Variants in TRIM7 observed in about 807,000 individuals in gnomAD.
TRIM7 encodes the protein tripartite motif containing 7, also known as E3 ubiquitin-protein ligase TRIM7.
In TRIM7, 32 loss-of-function variants were observed where a neutral mutation model predicts 37.9. The observed-to-expected ratio is 0.84, with a 90% CI of 0.64 to 1.13. TRIM7 has a LOEUF of 1.13. Among genes scored for constraint, TRIM7 ranks in the 50% most tolerant of loss-of-function variants. TRIM7 has a pLI of 0.00. For missense variants in TRIM7, 732 were observed against 714.0 expected, an observed-to-expected ratio of 1.03 and a Z score of -0.29; for synonymous variants, 351 against 321.3, an observed-to-expected ratio of 1.09 and a Z score of -0.99.
At chr5:181,195,764 A>T in intron 6 of TRIM7, 87 bp from the exon 7 acceptor site, 1 of 1,470,190 alleles carries the variant, frequency 6.8e-7, no homozygotes, top group Non-Finnish European at 9.0e-7. Context: ...TTGCTTTGCA[A>T]CCTGCCTGCC....
Position 181,199,129 on chromosome 5 carries a change from G to T in TRIM7, c.850-12C>A. The T allele has an allele frequency of 6.2e-7, 1 of 1,614,214 alleles. No homozygotes were observed. The highest frequency in any genetic ancestry group is 1.3e-5 in the African/African-American group (1 of 75,064). On this transcript the variant is annotated splice_polypyrimidine_tract_variant and intron_variant, in intron 3 of 6. Coordinates refer to ENST00000274773, the MANE Select transcript of TRIM7 (RefSeq NM_203293.3). ...GTGCTTTTGAATTCCTGGAAGGAAAGATAGAGGAAACCAAATCAGCATCAG... is the reference window on the plus strand; with the variant it reads ...GTGCTTTTGAATTCCTGGAAGGAAATATAGAGGAAACCAAATCAGCATCAG...
At position 181,199,854 on chromosome 5, in the gene TRIM7, G is replaced by C. The variant is rs1329262023; in HGVS notation, c.846C>G (p.Leu282=). The C allele has an allele frequency of 6.2e-7, 1 of 1,613,030 alleles. No individual in the cohort carries two copies. The highest frequency in any genetic ancestry group is 8.5e-7 in the Non-Finnish European group (1 of 1,179,476). Reference sequence around the variant, plus strand: ...CCCCTGGCTGAGCCAGACTTACCTGGAGAAAGTCAAGGTCAGGCTTTTGAG... The same window carrying C: ...CCCCTGGCTGAGCCAGACTTACCTGCAGAAAGTCAAGGTCAGGCTTTTGAG... ...ETAQKPDLDF[L]QEFKSTLSRC... is the part of the protein sequence containing the mutation. The change falls in exon 3 of 7, where the codon CTC becomes CTG. Residue 282 remains leucine (L), a synonymous_variant. Transcript: ENST00000274773.
chr5:181,204,011 C>T, intron 1 of TRIM7: 1 of 1,028,716 alleles, frequency 9.7e-7, no homozygotes, highest in Non-Finnish European at 1.2e-6. Context: ...CGCCCTCACC[C>T]CTGCACACAC....
In TRIM7 at chr5:181,198,716, A is replaced by G. The variant is rs1757292179; in HGVS notation, c.962T>C (p.Leu321Ser). ...VWNVSLKTFV[L>S]KGMLKKFKED... ...TTTGAACTTCTTCAGCATCCCTTTT[A>G]AGACAAAGGTCTTGAGAGAAACATT... The change falls in exon 5 of 7, where the codon TTA becomes TCA. Residue 321 changes from leucine to serine, a missense_variant. Coordinates refer to ENST00000274773, the MANE Select transcript of TRIM7 (RefSeq NM_203293.3). The G allele has an allele frequency of 6.2e-7, 1 of 1,613,924 alleles. No individual in the cohort carries two copies. Among genetic ancestry groups the G allele is most frequent in the South Asian group, 1.1e-5 (1 of 91,052 alleles).
rs1254853753 is a variant in TRIM7, at chr5:181,194,991, C to T, written c.*175G>A. 2.0e-5 allele frequency: 15 copies of T among 731,820 alleles called. No individual in the cohort carries two copies. Among genetic ancestry groups the T allele is most frequent in the Non-Finnish European group, 3.3e-5 (15 of 458,660 alleles). 45.3% of individuals were successfully genotyped at this position (731,820 alleles called of 1,614,324 possible). ...TCAGGAGTCCAAAGCCCCTGTTCCCCTGCTCGGTTGGCCACAGTCACTCTC... is the reference window on the plus strand; with the variant it reads ...TCAGGAGTCCAAAGCCCCTGTTCCCTTGCTCGGTTGGCCACAGTCACTCTC... On this transcript the variant is annotated 3_prime_UTR_variant, in exon 7 of 7. Coordinates refer to ENST00000274773, the MANE Select transcript of TRIM7 (RefSeq NM_203293.3).
chr5:181,204,252 GC>G, intron 1 of TRIM7: 1 of 1,070,396 alleles, frequency 9.3e-7, no homozygotes, highest in Non-Finnish European at 1.1e-6. Context: ...GAGACTTCCC[GC>G]GGGCAGAGAG....
rs772430239 is a variant in TRIM7, at chr5:181,204,893, G to C, written c.218C>G (p.Pro73Arg). 62 of 1,368,994 alleles carry C rather than the reference G, an allele frequency of 4.5e-5. No individual in the cohort carries two copies. Among genetic ancestry groups the C allele is most frequent in the Non-Finnish European group, 5.6e-5 (60 of 1,070,726 alleles). 84.8% of individuals were successfully genotyped at this position (1,368,994 alleles called of 1,614,324 possible). Residue 73 changes from proline (P) to arginine (R), a missense_variant, in exon 1 of 7, where the codon CCC becomes CGC. Pro to Arg is a moderately radical substitution (Grantham distance 103). Coordinates refer to ENST00000274773, the MANE Select transcript of TRIM7 (RefSeq NM_203293.3). ...GSVGAATRAP[P>R]FPLPCPQCRE... ...GCACTGCGGACAGGGCAGTGGGAAG[G>C]GGGGCGCGCGGGTGGCGGCCCCAAC...
At chr5:181,204,480 C>T (rs1757698347) in intron 1 of TRIM7, 109 bp downstream of exon 1, 2 of 1,210,792 alleles carry the variant, frequency 1.7e-6, no homozygotes, top group Admixed American at 4.2e-5. Context: ...GGGAGGGGCT[C>T]ACCCGGGCCT....
At position 181,204,626 on chromosome 5, in the gene TRIM7, G is replaced by T; in HGVS notation, c.485C>A (p.Ala162Asp). 6.8e-7 allele frequency: 1 copy of T among 1,473,164 alleles called. No individual in the cohort carries two copies. Among genetic ancestry groups the T allele is most frequent in the Admixed American group, 2.4e-5 (1 of 41,100 alleles). 91.3% of individuals were successfully genotyped at this position (1,473,164 alleles called of 1,614,324 possible). ...CDRAREHREH[A>D]VLPLDEAVQE... ...CACCGCCTCGTCCAGCGGCAGCACG[G>T]CGTGCTCGCGGTGCTCGCGGGCGCG... Residue 162 changes from alanine to aspartate, a missense_variant, in exon 1 of 7, where the codon GCC becomes GAC. Coordinates refer to ENST00000274773, the MANE Select transcript of TRIM7 (RefSeq NM_203293.3).
At position 181,204,786 on chromosome 5, in the gene TRIM7, G is replaced by A; in HGVS notation, c.325C>T (p.Pro109Ser). ...CCGTGCTCTCCCGGGGCAGCCGCGGGCAGGCTGAAGCGCCGCAGGAGCGTG... is the reference window on the plus strand; with the variant it reads ...CCGTGCTCTCCCGGGGCAGCCGCGGACAGGCTGAAGCGCCGCAGGAGCGTG... Reference protein sequence around the residue: ...VATLLRRFSLPAAAPGEHGSQ... With the variant: ...VATLLRRFSLSAAAPGEHGSQ... Residue 109 changes from proline to serine, a missense_variant, in exon 1 of 7, where the codon CCC (proline) becomes TCC (serine). Coordinates refer to ENST00000274773, the MANE Select transcript of TRIM7 (RefSeq NM_203293.3). 7.0e-7 allele frequency: 1 copy of A among 1,426,188 alleles called. No homozygotes were observed. The highest frequency in any genetic ancestry group is 9.1e-7 in the Non-Finnish European group (1 of 1,099,134). 88.3% of individuals were successfully genotyped at this position (1,426,188 alleles called of 1,614,324 possible).
At chr5:181,200,699 C>G in intron 2 of TRIM7, 5 of 991,052 alleles carry the variant, frequency 5.0e-6, no homozygotes, top group Non-Finnish European at 6.0e-6. Context: ...TCTGTTCTTT[C>G]CATTAACAGC....
At position 181,199,830 on chromosome 5, in the gene TRIM7, CCCTGGCTGAG is replaced by C; in HGVS notation, c.849+11_849+20del. 2.5e-6 allele frequency: 4 copies of C among 1,605,270 alleles called. No homozygotes were observed. The South Asian group carries it at 4.5e-5, about 18-fold the overall frequency. On this transcript the variant is annotated intron_variant, in intron 3 of 6. Coordinates refer to ENST00000274773, the MANE Select transcript of TRIM7 (RefSeq NM_203293.3). ...ATGCCTTAGGATAAATGACTCGAGC[CCCTGGCTGAG>C]CCAGACTTACCTGGAGAAAGTCAAG...
Position 181,203,544 on chromosome 5 carries a change from C to A in TRIM7, c.618+1G>T. On this transcript the variant is annotated splice_donor_variant, in intron 2 of 6. Coordinates refer to ENST00000274773, the MANE Select transcript of TRIM7 (RefSeq NM_203293.3). LOFTEE classifies it high-confidence loss of function. ...GGGGGGCCTGCGGGTGCCTGGCTCA[C>A]CAGCAGCTCCTTGCTCTCCTTCTTT... The A allele has an allele frequency of 1.2e-6, 2 of 1,614,212 alleles. No homozygotes were observed. The highest frequency in any genetic ancestry group is 8.5e-7 in the Non-Finnish European group (1 of 1,180,034).
At chr5:181,203,984 C>T (rs1757667621) in intron 1 of TRIM7, 1 of 1,069,712 alleles carries the variant, frequency 9.3e-7, no homozygotes, top group Non-Finnish European at 1.1e-6. Context: ...GGGACTGCCG[C>T]CCGAGCCTCC....
chr5:181,200,053 A>G lies in TRIM7; in HGVS notation c.647T>C (p.Val216Ala). ...LKQMAAEQEK[V>A]GAEFQALRAF... ...CCTCAGTGCCTGGAACTCTGCCCCC[A>G]CCTTCTCCTGCTCCGCTGCCATCTG... Residue 216 changes from valine (V) to alanine (A), a missense_variant, in exon 3 of 7, where the codon GTG becomes GCG. Val to Ala is a moderately conservative substitution (Grantham distance 64, BLOSUM62 0). Coordinates refer to ENST00000274773, the MANE Select transcript of TRIM7 (RefSeq NM_203293.3). 1 of 1,614,172 alleles carries G rather than the reference A, an allele frequency of 6.2e-7. No individual in the cohort carries two copies. The highest frequency in any genetic ancestry group is 1.1e-5 in the South Asian group (1 of 91,082).
chr5:181,195,235 G>T lies in TRIM7; in HGVS notation c.1467C>A (p.Asn489Lys). 6.2e-7 allele frequency: 1 copy of T among 1,613,244 alleles called. No homozygotes were observed. Among genetic ancestry groups the T allele is most frequent in the Non-Finnish European group, 8.5e-7 (1 of 1,179,652 alleles). Residue 489 changes from asparagine (N) to lysine (K), a missense_variant, in exon 7 of 7, where the codon AAC becomes AAA. Asn to Lys is a moderately conservative substitution (Grantham distance 94). Coordinates refer to ENST00000274773, the MANE Select transcript of TRIM7 (RefSeq NM_203293.3). ...AAAGCGGGAACACGCGCTCCTGGAA[G>T]TTGACGCGGAAGGTGTAGAGGTGGC... is the stretch of plus-strand genomic sequence containing the variant. ...DMRHLYTFRV[N>K]FQERVFPLFS...
chr5:181,204,641 T>C lies in TRIM7; in HGVS notation c.470A>G (p.Glu157Gly). 2 of 1,492,754 alleles carry C rather than the reference T, an allele frequency of 1.3e-6. No homozygotes were observed. Among genetic ancestry groups the C allele is most frequent in the Non-Finnish European group, 1.8e-6 (2 of 1,133,364 alleles). The allele number at this position is 1,492,754 out of a possible 1,614,324, so 92.5% of individuals were successfully genotyped here. A position where few individuals can be genotyped will look rare whatever the true frequency, so the allele number is the denominator to read the frequency against. ...CGGCAGCACGGCGTGCTCGCGGTGC[T>C]CGCGGGCGCGGTCGCACACCACGCA... ...AICVVCDRAR[E>G]HREHAVLPLD... The change falls in exon 1 of 7, where the codon GAG (glutamate) becomes GGG (glycine). Residue 157 changes from glutamate to glycine, a missense_variant. Transcript: ENST00000274773.
intron 4 of TRIM7, 107 bp downstream of exon 4, chr5:181,198,988 T>C: frequency 1.4e-6 from 2 of 1,465,980 alleles, no homozygotes; most frequent in Non-Finnish European, 9.5e-7. Flanking sequence ...GGCAAGCAAG[T>C]CGGGGGATCA....
intron 1 of TRIM7, chr5:181,204,274 G>T: frequency 9.1e-7 from 1 of 1,098,112 alleles, no homozygotes; most frequent in Non-Finnish European, 1.1e-6. Flanking sequence ...CTGCGGAGAC[G>T]CAGACCAGGC....
Sources: allele counts gnomAD v4.1 joint callset, GRCh38; gene constraint gnomAD v4.1.1; transcripts MANE v1.5; gene names NCBI Gene and HGNC (gene_info 2026-07-23, HGNC 2026-07-21).